The following CCDC122 variants were observed in gnomAD, a reference collection of about 807,000 sequenced individuals.
CCDC122 encodes the protein coiled-coil domain-containing protein 122.
In CCDC122, 38 loss-of-function variants were observed where a neutral mutation model predicts 37.0. That is an observed-to-expected ratio of 1.03 (90% CI 0.79 to 1.35). The LOEUF is 1.35. CCDC122 is among the 40% of genes most tolerant of loss of function. The pLI is 0.00. For missense variants in CCDC122, 305 were observed against 310.0 expected, an observed-to-expected ratio of 0.98 and a Z score of 0.12; for synonymous variants, 83 against 95.6, an observed-to-expected ratio of 0.87 and a Z score of 0.77.
chr13:43,845,318 T>C (rs1953481945), intron 6 of CCDC122, among the ~76,000 whole-genome samples: 1 of 152,250 alleles, frequency 6.6e-6, no homozygotes, highest in African/African-American at 2.4e-5. Flanking sequence ...GATTTTAAAG[T>C]GTCAAATGAC....
At chr13:43,863,177 CTCCCTT>C (rs1394916276) in intron 4 of CCDC122, among the ~76,000 whole-genome samples, 1 of 152,050 alleles carries the variant, frequency 6.6e-6, no homozygotes, top group Non-Finnish European at 1.5e-5. Context: ...AAATTCATTC[CTCCCTT>C]TCCATCTCTC....
chr13:43,826,446 T>C (rs1953041995), intron 3 of CCDC122, among the ~76,000 whole-genome samples: 1 of 152,198 alleles, frequency 6.6e-6, no homozygotes. Context: ...CATTTTGCTA[T>C]GTACATTATT....
intron 1 of CCDC122, among the ~76,000 whole-genome samples, chr13:43,879,103 C>T (rs1307703904): frequency 6.6e-6 from 1 of 152,122 alleles, no homozygotes; most frequent in Non-Finnish European, 1.5e-5. Flanking sequence ...GAAACGCGGA[C>T]TTCAGCTCGC....
chr13:43,822,729 GC>G (rs1566936407), downstream of CCDC122, among the ~76,000 whole-genome samples: 1 of 152,162 alleles, frequency 6.6e-6, no homozygotes, highest in Admixed American at 6.5e-5. Flanking sequence ...ACCACCACCA[GC>G]CCATGGTGGG....
At chr13:43,840,619 G>C (rs561587420) in intron 6 of CCDC122, among the ~76,000 whole-genome samples, 10 of 152,162 alleles carry the variant, frequency 6.6e-5, no homozygotes, top group South Asian at 2.1e-4. Context: ...CCACCTAGGA[G>C]TGAGAACATG....
At chr13:43,824,327 G>T (rs1953019531) in intron 3 of CCDC122, among the ~76,000 whole-genome samples, 2 of 152,128 alleles carry the variant, frequency 1.3e-5, no homozygotes, top group Admixed American at 1.3e-4. Context: ...TAACTAGCAT[G>T]GTGAAAGGAC....
intron 5 of CCDC122, among the ~76,000 whole-genome samples, chr13:43,859,425 G>C (rs1348129430): frequency 6.6e-6 from 1 of 152,004 alleles, no homozygotes. Context: ...GATTTTATTT[G>C]ACCATGTAGT....
At position 43,837,212 on chromosome 13, in the gene CCDC122, T is replaced by A. The variant is rs117740974; in HGVS notation, c.*68A>T. The A allele has an allele frequency of 0.012, 16,691 of 1,447,364 alleles. 109 individuals are homozygous for A. Among genetic ancestry groups the A allele is most frequent in the Non-Finnish European group, 0.013 (14,172 of 1,067,030 alleles). The allele number at this position is 1,447,364 out of a possible 1,614,324, so 89.7% of individuals were successfully genotyped here. A position where few individuals can be genotyped will look rare whatever the true frequency, so the allele number is the denominator to read the frequency against. On this transcript the variant is annotated 3_prime_UTR_variant, in exon 7 of 7. Transcript: ENST00000444614. ...TGCTTGTTATTAAGAATCCAAAAGA[T>A]TTTCTTAATGTTCTGTCCAGTAATT...
At chr13:43,837,739 A>T (rs1363360576) in intron 6 of CCDC122, among the ~76,000 whole-genome samples, 2 of 152,176 alleles carry the variant, frequency 1.3e-5, no homozygotes, top group Non-Finnish European at 2.9e-5. Context: ...CCAAAGTTTC[A>T]TAGCTAGCAA....
intron 6 of CCDC122, among the ~76,000 whole-genome samples, chr13:43,850,747 T>A (rs796491153): frequency 9.7e-4 from 147 of 152,284 alleles, no homozygotes; most frequent in African/African-American, 3.2e-3. Flanking sequence ...ACAGATTTTT[T>A]AAAAAAGTAT....
intron 3 of CCDC122, 49 bp from the exon 4 acceptor site, chr13:43,868,852 C>A: frequency 2.5e-6 from 2 of 791,976 alleles, no homozygotes; most frequent in South Asian, 3.6e-5. Flanking sequence ...TAAAATACAG[C>A]CATTTTAAGA....
chr13:43,819,684 A>C (rs1952981008), downstream of CCDC122, among the ~76,000 whole-genome samples: 1 of 152,128 alleles, frequency 6.6e-6, no homozygotes, highest in Admixed American at 6.5e-5. Flanking sequence ...ATGAATCAAA[A>C]AAATAAAAAT....
chr13:43,869,808 A>G (rs1401351450), intron 2 of CCDC122, among the ~76,000 whole-genome samples: 2 of 152,086 alleles, frequency 1.3e-5, no homozygotes, highest in Non-Finnish European at 2.9e-5. Flanking sequence ...CTCCAGTACT[A>G]TGATGAAATA....
chr13:43,878,956 AG>A (rs1183983747), intron 1 of CCDC122, among the ~76,000 whole-genome samples: 1 of 152,224 alleles, frequency 6.6e-6, no homozygotes, highest in Admixed American at 6.5e-5. Context: ...AAACATCTCG[AG>A]GGGGCCCCTG....
intron 3 of CCDC122, among the ~76,000 whole-genome samples, chr13:43,828,541 A>G (rs1025921210): frequency 7.2e-6 from 1 of 138,936 alleles, no homozygotes; most frequent in Non-Finnish European, 1.5e-5. Flanking sequence ...ATTTGAGCCT[A>G]TTTTATAGAC....
chr13:43,873,914 T>A (rs1265981976), intron 2 of CCDC122, among the ~76,000 whole-genome samples: 1 of 152,192 alleles, frequency 6.6e-6, no homozygotes, highest in Non-Finnish European at 1.5e-5. Flanking sequence ...GCCTGGCATA[T>A]AACAGGTGTC....
In CCDC122 at chr13:43,876,853, G is replaced by A. The variant is rs147577484; in HGVS notation, c.-199-1926C>T. Among the ~76,000 whole-genome samples the A allele has an allele frequency of 2.9e-4, 44 of 152,324 alleles. No homozygotes were observed. In the East Asian group the frequency reaches 8.5e-3, roughly 29 times the overall value. On this transcript the variant is annotated intron_variant, in intron 1 of 6. Transcript: ENST00000444614. ...TAAAATATAGCGGTGGCTCATGCCT[G>A]TAATCCCAGCACTTTGGGAGGCTGA... is the stretch of plus-strand genomic sequence containing the variant.
chr13:43,870,410 T>C (rs1954407823), intron 2 of CCDC122, among the ~76,000 whole-genome samples: 1 of 152,148 alleles, frequency 6.6e-6, no homozygotes, highest in Non-Finnish European at 1.5e-5. Flanking sequence ...AATCTGATTT[T>C]CTCTCTAGCT....
At chr13:43,826,460 C>T (rs1953042086) in intron 3 of CCDC122, among the ~76,000 whole-genome samples, 2 of 151,944 alleles carry the variant, frequency 1.3e-5, no homozygotes, top group Admixed American at 1.3e-4. Context: ...CATTATTTCT[C>T]AAATATCCCT....
Sources: gnomAD v4.1 joint callset for allele counts (sites outside exome capture counted in the v4.1 genomes callset) on GRCh38, gnomAD v4.1.1 for gene constraint, MANE v1.5 for transcripts, NCBI Gene and HGNC (gene_info 2026-07-23, HGNC 2026-07-21) for gene names.